SVIL: variants seen among roughly 807,000 people sequenced by gnomAD.
SVIL encodes the protein archvillin.
Under a neutral mutation model 240.4 loss-of-function variants are expected in SVIL, and 101 were observed. The observed-to-expected ratio is 0.42, with a 90% confidence interval of 0.36 to 0.50. The LOEUF is 0.50. SVIL is among the 20% of genes least tolerant of loss of function. SVIL has a pLI of 0.01. For missense variants in SVIL, 2,512 were observed against 2,818.7 expected, an observed-to-expected ratio of 0.89 and a Z score of 2.46; for synonymous variants, 999 against 1,100.0, an observed-to-expected ratio of 0.91 and a Z score of 1.82.
chr10:29,530,770 A>G, intron 10 of SVIL, 102 bp from the exon 11 acceptor site: 1 of 1,234,996 alleles, frequency 8.1e-7, no homozygotes, highest in Non-Finnish European at 1.2e-6. Context: ...TGAATACAAC[A>G]ATAGGTGCAC....
Position 29,480,863 on chromosome 10 carries a change from T to C in SVIL, c.5101-50A>G, listed in dbSNP as rs373546233. ...GTTCAGTTGCCTGTTTCTGCAGCTA[T>C]TCCTTGTCATGCTCAATGCTGCTTC... On this transcript the variant is annotated intron_variant, in intron 28 of 37. Transcript: ENST00000355867. 9.7e-4 allele frequency: 1,511 copies of C among 1,563,960 alleles called. 27 individuals are homozygous for C. In the South Asian group the frequency reaches 0.016, roughly 16 times the overall value.
intron 1 of SVIL, among the ~76,000 whole-genome samples, chr10:29,624,515 G>C (rs1461137109): frequency 2.0e-5 from 3 of 152,176 alleles, no homozygotes; most frequent in African/African-American, 7.2e-5. Flanking sequence ...CTGGGCGACA[G>C]AGTGAGACTT....
At chr10:29,465,855 C>G in intron 33 of SVIL, 105 bp from the exon 34 acceptor site, 1 of 1,431,554 alleles carries the variant, frequency 7.0e-7, no homozygotes, top group Non-Finnish European at 9.5e-7. Flanking sequence ...ACTGTGGAAA[C>G]ACAGGTAGGA....
At chr10:29,643,399 C>T (rs766988832) in intron 3 of SVIL, among the ~76,000 whole-genome samples, 32 of 152,126 alleles carry the variant, frequency 2.1e-4, no homozygotes, top group African/African-American at 6.5e-4. Context: ...TTTTCTGCCA[C>T]GATGGAACCA....
intron 16 of SVIL, among the ~76,000 whole-genome samples, chr10:29,519,860 G>A (rs929448082): frequency 1.3e-5 from 2 of 152,224 alleles, no homozygotes; most frequent in African/African-American, 2.4e-5. Flanking sequence ...CAGCAGGTGT[G>A]TGTGCTCACC....
At chr10:29,654,783 A>G (rs916834959) in intron 3 of SVIL, among the ~76,000 whole-genome samples, 2 of 152,196 alleles carry the variant, frequency 1.3e-5, no homozygotes, top group African/African-American at 4.8e-5. Context: ...CACTCTATCA[A>G]TCTAAGGCCC....
upstream of SVIL, among the ~76,000 whole-genome samples, chr10:29,639,513 A>C (rs1029040880): frequency 1.5e-5 from 2 of 133,624 alleles, no homozygotes; most frequent in Non-Finnish European, 3.1e-5. Flanking sequence ...CTTGCTGCCT[A>C]GGCTGGAGTG....
intron 1 of SVIL, among the ~76,000 whole-genome samples, chr10:29,583,942 A>G (rs993259816): frequency 3.9e-5 from 6 of 152,186 alleles, no homozygotes; most frequent in African/African-American, 1.4e-4. Flanking sequence ...GTTTAAAATG[A>G]AAGTCCTCCC....
At position 29,529,713 on chromosome 10, in the gene SVIL, G is replaced by T; in HGVS notation, c.2238C>A (p.Ile746=). 1 of 1,605,696 alleles carries T rather than the reference G, an allele frequency of 6.2e-7. No homozygotes were observed. The highest frequency in any genetic ancestry group is 1.1e-5 in the South Asian group (1 of 89,642). ...GTCCTGTGGGCACTTACGTGGCTGCGATGACCACCTCTTCAGTGGTGATGG... is the reference window on the plus strand; with the variant it reads ...GTCCTGTGGGCACTTACGTGGCTGCTATGACCACCTCTTCAGTGGTGATGG... ...TQPITTEEVV[I]AATEPIPASC... The change falls in exon 12 of 38, where the codon ATC becomes ATA. Residue 746 remains isoleucine, a synonymous_variant. Coordinates refer to ENST00000355867, the MANE Select transcript of SVIL (RefSeq NM_021738.3).
At chr10:29,699,745 G>C (rs1265265098) in intron 1 of SVIL, among the ~76,000 whole-genome samples, 1 of 152,232 alleles carries the variant, frequency 6.6e-6, no homozygotes, top group African/African-American at 2.4e-5. Context: ...GGTGAAGCCA[G>C]ATGGAGCCAC....
chr10:29,723,991 C>T (rs1964135628), intron 1 of SVIL, among the ~76,000 whole-genome samples: 1 of 152,114 alleles, frequency 6.6e-6, no homozygotes, highest in African/African-American at 2.4e-5. Flanking sequence ...ATGGAGAAGA[C>T]ATTGTGTTTA....
chr10:29,502,457 T>TA (rs1948970975), intron 17 of SVIL, among the ~76,000 whole-genome samples: 1 of 152,174 alleles, frequency 6.6e-6, no homozygotes, highest in Admixed American at 6.5e-5. Flanking sequence ...AAGGATGTTA[T>TA]ATATATAGTA....
chr10:29,542,260 A>T (rs943807602), intron 6 of SVIL, among the ~76,000 whole-genome samples: 1 of 152,170 alleles, frequency 6.6e-6, no homozygotes, highest in African/African-American at 2.4e-5. Flanking sequence ...TCATTCAAAA[A>T]TGATTTTCTA....
At chr10:29,667,073 CAGGTGTTT>C (rs1959362596) in intron 2 of SVIL, among the ~76,000 whole-genome samples, 1 of 152,060 alleles carries the variant, frequency 6.6e-6, no homozygotes, top group Admixed American at 6.5e-5. Flanking sequence ...AACAGCCTAG[CAGGTGTTT>C]CTTCTTTTTT....
intron 1 of SVIL, among the ~76,000 whole-genome samples, chr10:29,601,552 C>T (rs1039423021): frequency 2.0e-5 from 3 of 152,180 alleles, no homozygotes; most frequent in African/African-American, 7.2e-5. Flanking sequence ...GCCATAGGCG[C>T]ATTTCAGGAT....
Position 29,612,821 on chromosome 10 carries a change from A to C in SVIL, c.-201+21599T>G, listed in dbSNP as rs1438340735. 2.6e-5 allele frequency among the ~76,000 whole-genome samples: 4 copies of C among 152,212 alleles called. No homozygotes were observed. The East Asian group carries it at 5.8e-4, about 22-fold the overall frequency. Reference sequence around the variant, plus strand: ...AGGACAATTAGGACAATGTTCACAAAGCCCCATGCTGGTGGGTTCACTCAA... The same window carrying C: ...AGGACAATTAGGACAATGTTCACAACGCCCCATGCTGGTGGGTTCACTCAA... On this transcript the variant is annotated intron_variant, in intron 1 of 37. Coordinates refer to ENST00000355867, the MANE Select transcript of SVIL (RefSeq NM_021738.3).
chr10:29,688,742 T>C (rs1397519319), intron 1 of SVIL, among the ~76,000 whole-genome samples: 1 of 152,220 alleles, frequency 6.6e-6, no homozygotes, highest in Non-Finnish European at 1.5e-5. Flanking sequence ...AGATGCTCAG[T>C]TGCCCAGTGA....
intron 23 of SVIL, among the ~76,000 whole-genome samples, chr10:29,488,345 C>G (rs576044482): frequency 1.4e-4 from 21 of 152,200 alleles, no homozygotes; most frequent in African/African-American, 5.1e-4. Context: ...AAATCCAGCT[C>G]TGCCACCCAG....
chr10:29,659,063 C>T (rs1376716236), intron 2 of SVIL, among the ~76,000 whole-genome samples: 1 of 152,170 alleles, frequency 6.6e-6, no homozygotes. Flanking sequence ...TAGAATGTAC[C>T]AGAGTAGAAT....
Sources: allele counts gnomAD v4.1 joint callset (sites outside exome capture counted in the v4.1 genomes callset), GRCh38; gene constraint gnomAD v4.1.1; transcripts MANE v1.5; gene names NCBI Gene and HGNC (gene_info 2026-07-23, HGNC 2026-07-21).